SGCZ: variants seen among roughly 807,000 people sequenced by gnomAD.
SGCZ encodes zeta-sarcoglycan.
In SGCZ, 40 loss-of-function variants were observed where a neutral mutation model predicts 41.3. The observed-to-expected ratio is 0.97, with a 90% confidence interval of 0.75 to 1.26. The LOEUF is 1.26. Ranked by LOEUF, SGCZ falls within the 50% of genes most tolerant of loss-of-function variation. The pLI is 0.00. For missense variants in SGCZ, 552 were observed against 369.8 expected, an observed-to-expected ratio of 1.49 and a Z score of -4.04; for synonymous variants, 206 against 137.5, an observed-to-expected ratio of 1.50 and a Z score of -3.49.
intron 1 of SGCZ, among the ~76,000 whole-genome samples, chr8:14,676,176 C>T (rs1808270965): frequency 6.6e-6 from 1 of 152,190 alleles, no homozygotes. Context: ...ACCTAGACTA[C>T]AGGCTATTCT....
intron 1 of SGCZ, among the ~76,000 whole-genome samples, chr8:14,899,016 T>G (rs1247036535): frequency 1.3e-5 from 2 of 152,328 alleles, no homozygotes; most frequent in Non-Finnish European, 2.9e-5. Context: ...TTTTGAATAT[T>G]GAACTTTTTA....
chr8:14,149,295 C>T (rs1803622998), intron 5 of SGCZ, among the ~76,000 whole-genome samples: 1 of 151,986 alleles, frequency 6.6e-6, no homozygotes, highest in Non-Finnish European at 1.5e-5. Context: ...TCAAGATTCC[C>T]CCCAAAATGA....
At chr8:14,669,799 T>C (rs1808044929) in intron 1 of SGCZ, among the ~76,000 whole-genome samples, 1 of 152,122 alleles carries the variant, frequency 6.6e-6, no homozygotes, top group South Asian at 2.1e-4. Flanking sequence ...TGAACTATGT[T>C]GAAATGGGAG....
In SGCZ at chr8:14,714,847, GAA is replaced by G. The variant is rs997134474; in HGVS notation, c.40-159923_40-159922del. 5.9e-5 allele frequency among the ~76,000 whole-genome samples: 9 copies of G among 152,054 alleles called. No homozygotes were observed. The East Asian group carries it at 1.7e-3, about 29-fold the overall frequency. On this transcript the variant is annotated intron_variant, in intron 1 of 7. Coordinates refer to ENST00000382080, the MANE Select transcript of SGCZ (RefSeq NM_139167.4). Reference sequence around the variant, plus strand: ...TTATAATCCTCAGAGTCAGATATTGGAAAACTTACCAGGGAATGCGGGGATGT... The same window carrying G: ...TTATAATCCTCAGAGTCAGATATTGGAACTTACCAGGGAATGCGGGGATGT...
chr8:14,693,412 C>G (rs546267550), intron 1 of SGCZ, among the ~76,000 whole-genome samples: 1 of 151,860 alleles, frequency 6.6e-6, no homozygotes, highest in East Asian at 1.9e-4. Context: ...CTGCCTTAGC[C>G]TCCTGAGTAG....
chr8:14,627,312 A>G (rs1806494130), intron 1 of SGCZ, among the ~76,000 whole-genome samples: 1 of 152,130 alleles, frequency 6.6e-6, no homozygotes, highest in Non-Finnish European at 1.5e-5. Context: ...TAACACACAA[A>G]TATGAAATTT....
intron 1 of SGCZ, among the ~76,000 whole-genome samples, chr8:14,792,082 G>A (rs1375622545): frequency 6.6e-6 from 1 of 152,130 alleles, no homozygotes; most frequent in African/African-American, 2.4e-5. Context: ...ACTGCATTAA[G>A]CCAAAATTTG....
chr8:14,273,826 A>C (rs981498463), intron 3 of SGCZ, among the ~76,000 whole-genome samples: 1 of 152,188 alleles, frequency 6.6e-6, no homozygotes, highest in Admixed American at 6.5e-5. Context: ...AAAATATTTT[A>C]TATTTTATCT....
chr8:14,453,083 G>A (rs1314570134), intron 2 of SGCZ, among the ~76,000 whole-genome samples: 1 of 152,054 alleles, frequency 6.6e-6, no homozygotes, highest in Non-Finnish European at 1.5e-5. Context: ...ACTCTAGCCT[G>A]GGTGACAGAG....
intron 1 of SGCZ, among the ~76,000 whole-genome samples, chr8:14,885,506 C>G (rs900610537): frequency 1.3e-5 from 2 of 152,104 alleles, no homozygotes; most frequent in Non-Finnish European, 2.9e-5. Flanking sequence ...GAGGAATGAT[C>G]TTATTCTCAG....
At chr8:14,592,217 T>C (rs997033847) in intron 1 of SGCZ, among the ~76,000 whole-genome samples, 1 of 152,102 alleles carries the variant, frequency 6.6e-6, no homozygotes, top group East Asian at 1.9e-4. Flanking sequence ...GATTCCTAGT[T>C]TTAAAATGAG....
intron 1 of SGCZ, among the ~76,000 whole-genome samples, chr8:15,206,676 T>G (rs1801078478): frequency 6.6e-6 from 1 of 152,074 alleles, no homozygotes; most frequent in Non-Finnish European, 1.5e-5. Context: ...CTCGAACTCC[T>G]GACATTGTGA....
At chr8:15,237,510 G>T in intron 1 of SGCZ, 75 bp downstream of exon 1, 1 of 1,519,588 alleles carries the variant, frequency 6.6e-7, no homozygotes. Context: ...CGCCGCTGGA[G>T]GAGCCGCGGG....
At chr8:14,844,535 T>C (rs925262441) in intron 1 of SGCZ, among the ~76,000 whole-genome samples, 11 of 152,118 alleles carry the variant, frequency 7.2e-5, no homozygotes, top group African/African-American at 2.7e-4. Context: ...ACCATGAAAA[T>C]TGTTTGCCAT....
At chr8:14,915,349 G>C (rs939785283) in intron 1 of SGCZ, among the ~76,000 whole-genome samples, 3 of 152,038 alleles carry the variant, frequency 2.0e-5, no homozygotes, top group Non-Finnish European at 4.4e-5. Context: ...AATCACTTAG[G>C]GAGAAAGTAA....
intron 2 of SGCZ, among the ~76,000 whole-genome samples, chr8:14,403,199 T>C (rs1339447161): frequency 1.7e-4 from 25 of 149,968 alleles, no homozygotes; most frequent in African/African-American, 5.1e-4. Flanking sequence ...GCTGAGACGA[T>C]GGGGTTTTCT....
chr8:14,639,980 AG>A (rs1806969545), intron 1 of SGCZ, among the ~76,000 whole-genome samples: 1 of 151,714 alleles, frequency 6.6e-6, no homozygotes, highest in Non-Finnish European at 1.5e-5. Flanking sequence ...ATAAATCCCG[AG>A]ATATACTTGT....
At chr8:14,407,154 C>T (rs11996087) in intron 2 of SGCZ, among the ~76,000 whole-genome samples, 19,878 of 147,944 alleles carry the variant, frequency 0.13, 2,914 homozygotes, top group African/African-American at 0.37. Context: ...CTGCAACTTC[C>T]ACCTCCTGGG....
At chr8:14,506,188 C>A (rs997256823) in intron 2 of SGCZ, among the ~76,000 whole-genome samples, 1 of 147,092 alleles carries the variant, frequency 6.8e-6, no homozygotes, top group African/African-American at 2.7e-5. Flanking sequence ...AACAAACAAA[C>A]AAACAAACAA....
Sources: gnomAD v4.1 joint callset for allele counts (sites outside exome capture counted in the v4.1 genomes callset) on GRCh38, gnomAD v4.1.1 for gene constraint, MANE v1.5 for transcripts, NCBI Gene and HGNC (gene_info 2026-07-23, HGNC 2026-07-21) for gene names.